Variants in SPRYD4 observed in about 807,000 individuals in gnomAD.
SPRYD4 encodes SPRY domain containing 4.
In SPRYD4, 12 loss-of-function variants were observed where a neutral mutation model predicts 16.6. That is an observed-to-expected ratio of 0.72 (90% CI 0.46 to 1.17). The LOEUF (loss-of-function observed/expected upper bound fraction) is 1.17, where lower values mean the gene tolerates loss of function less well. Ranked by LOEUF, SPRYD4 falls within the 50% of genes most tolerant of loss-of-function variation. The pLI, the probability that SPRYD4 is intolerant of heterozygous loss-of-function variation, is 0.00. For missense variants in SPRYD4, 260 were observed against 260.2 expected, an observed-to-expected ratio of 1.00 and a Z score of 0.00; for synonymous variants, 98 against 105.4, an observed-to-expected ratio of 0.93 and a Z score of 0.43.
At position 56,478,984 on chromosome 12, in the gene SPRYD4, A is replaced by AG; in HGVS notation, c.*9409dup. On this transcript the variant is annotated 3_prime_UTR_variant, in exon 2 of 2. Coordinates refer to ENST00000338146, the MANE Select transcript of SPRYD4 (RefSeq NM_207344.4). ...GGGTGACAGAGCAAAACTCTGTCTC[A>AG]GGAAAAAAAAAAAAAAAAAAAATCT... The AG allele has an allele frequency of 3.0e-6, 4 of 1,319,776 alleles. No individual in the cohort carries two copies. The highest frequency in any genetic ancestry group is 4.1e-6 in the Non-Finnish European group (4 of 980,452). The allele number at this position is 1,319,776 out of a possible 1,614,324, so 81.8% of individuals were successfully genotyped here.
At position 56,472,097 on chromosome 12, in the gene SPRYD4, C is replaced by T; in HGVS notation, c.*2520C>T. 6.2e-7 allele frequency: 1 copy of T among 1,611,724 alleles called. No individual in the cohort carries two copies. Among genetic ancestry groups the T allele is most frequent in the Non-Finnish European group, 8.5e-7 (1 of 1,178,140 alleles). On this transcript the variant is annotated 3_prime_UTR_variant, in exon 2 of 2. Transcript: ENST00000338146. The stretch of plus-strand genomic sequence containing the variant: ...AGGGTCTTATGATTACCCTCCTCCT[C>T]CCCTCCTTAACCCTTCAGTACCTTC...
chr12:56,475,082 G>T lies in SPRYD4; in HGVS notation c.*5505G>T. On this transcript the variant is annotated 3_prime_UTR_variant, in exon 2 of 2. Transcript: ENST00000338146. ...AGATAATAGCCGATGGCATAATTCC[G>T]ATCCCCTGTTTCCTTCTCTGACTGG... is the stretch of plus-strand genomic sequence containing the variant. 6.2e-7 allele frequency: 1 copy of T among 1,614,004 alleles called. No homozygotes were observed. Among genetic ancestry groups the T allele is most frequent in the Non-Finnish European group, 8.5e-7 (1 of 1,180,016 alleles).
intron 1 of SPRYD4, 167 bp downstream of exon 1, chr12:56,468,843 G>C (rs1869107372): frequency 9.7e-7 from 1 of 1,026,696 alleles, no homozygotes; most frequent in African/African-American, 1.6e-5. Context: ...TTAAATTCCG[G>C]GACTTACTCA....
rs374417630 is a variant in SPRYD4 at position 56,472,765 on chromosome 12, C to T, written c.*3188C>T. On this transcript the variant is annotated 3_prime_UTR_variant, in exon 2 of 2. Transcript: ENST00000338146. ...CACAGTCTTGTTCTGGAACACAAATCATACCCACATGACATTAATTGAACT... is the reference window on the plus strand; with the variant it reads ...CACAGTCTTGTTCTGGAACACAAATTATACCCACATGACATTAATTGAACT... 31 of 1,612,542 alleles carry T rather than the reference C, an allele frequency of 1.9e-5. No homozygotes were observed. Among genetic ancestry groups the T allele is most frequent in the Non-Finnish European group, 2.5e-5 (29 of 1,179,026 alleles).
In SPRYD4 at chr12:56,478,960, G is replaced by T; in HGVS notation, c.*9383G>T. The T allele has an allele frequency of 6.7e-7, 1 of 1,485,412 alleles. No individual in the cohort carries two copies. Among genetic ancestry groups the T allele is most frequent in the Non-Finnish European group, 9.0e-7 (1 of 1,110,712 alleles). 92.0% of individuals were successfully genotyped at this position (1,485,412 alleles called of 1,614,324 possible). A position where few individuals can be genotyped will look rare whatever the true frequency, so the allele number is the denominator to read the frequency against. Reference sequence around the variant, plus strand: ...GATTGCACCATTGCACTCCAGCCCGGGTGACAGAGCAAAACTCTGTCTCAG... The same window carrying T: ...GATTGCACCATTGCACTCCAGCCCGTGTGACAGAGCAAAACTCTGTCTCAG... On this transcript the variant is annotated 3_prime_UTR_variant, in exon 2 of 2. Coordinates refer to ENST00000338146, the MANE Select transcript of SPRYD4 (RefSeq NM_207344.4).
At position 56,478,346 on chromosome 12, in the gene SPRYD4, G is replaced by GCTTTT; in HGVS notation, c.*8769_*8770insCTTTT. 7.0e-7 allele frequency: 1 copy of GCTTTT among 1,434,476 alleles called. No individual in the cohort carries two copies. Among genetic ancestry groups the GCTTTT allele is most frequent in the Non-Finnish European group, 9.7e-7 (1 of 1,029,100 alleles). 88.9% of individuals were successfully genotyped at this position (1,434,476 alleles called of 1,614,324 possible). A position where few individuals can be genotyped will look rare whatever the true frequency, so the allele number is the denominator to read the frequency against. ...GGTTGAGGGTCAAGAGAATCTTTTA[G>GCTTTT]ATAAAAGCTAAAATTCTGTCTTCTA... On this transcript the variant is annotated 3_prime_UTR_variant, in exon 2 of 2. Coordinates refer to ENST00000338146, the MANE Select transcript of SPRYD4 (RefSeq NM_207344.4).
Position 56,478,426 on chromosome 12 carries a change from G to T in SPRYD4, c.*8849G>T. On this transcript the variant is annotated 3_prime_UTR_variant, in exon 2 of 2. Transcript: ENST00000338146. ...GCTCCCAGAAATGCCCGAGCCTTAA[G>T]TCCTAGAAGGCCATATCTTTGTGTA... The T allele has an allele frequency of 1.5e-6, 1 of 655,880 alleles. No homozygotes were observed. The highest frequency in any genetic ancestry group is 2.7e-6 in the Non-Finnish European group (1 of 376,386). 40.6% of individuals were successfully genotyped at this position (655,880 alleles called of 1,614,324 possible).
rs1400090939 is a variant in SPRYD4, at chr12:56,470,284, A to AAG, written c.*713_*714dup. 1.3e-5 allele frequency: 2 copies of AAG among 151,938 alleles called. No homozygotes were observed. The highest frequency in any genetic ancestry group is 2.4e-5 in the African/African-American group (1 of 41,386). The allele number at this position is 151,938 out of a possible 1,614,324, so 9.4% of individuals were successfully genotyped here. A position where few individuals can be genotyped will look rare whatever the true frequency, so the allele number is the denominator to read the frequency against. On this transcript the variant is annotated 3_prime_UTR_variant, in exon 2 of 2. Coordinates refer to ENST00000338146, the MANE Select transcript of SPRYD4 (RefSeq NM_207344.4). ...CCAGTTATAACCTTGACCAAAGGGGAAGAGAGACACTTGGGGGATATCTAG... is the reference window on the plus strand; with the variant it reads ...CCAGTTATAACCTTGACCAAAGGGGAAGAGAGAGACACTTGGGGGATATCTAG...
At position 56,479,578 on chromosome 12, in the gene SPRYD4, A is replaced by G. The variant is rs922393008; in HGVS notation, c.*10001A>G. On this transcript the variant is annotated 3_prime_UTR_variant, in exon 2 of 2. Transcript: ENST00000338146. ...TTACTTCTGGGAAAAGAGGACAGGG[A>G]TTGAGTAGGGAGGGAAAGGAGAACA... 1.0e-5 allele frequency: 6 copies of G among 572,912 alleles called. No homozygotes were observed. Among genetic ancestry groups the G allele is most frequent in the Non-Finnish European group, 1.6e-5 (6 of 368,230 alleles). 35.5% of individuals were successfully genotyped at this position (572,912 alleles called of 1,614,324 possible). A position where few individuals can be genotyped will look rare whatever the true frequency, so the allele number is the denominator to read the frequency against.
rs1869943066 is a variant in SPRYD4 at position 56,477,699 on chromosome 12, CAT to C, written c.*8123_*8124del. ...TGACAACAATGGCACCAGCATTGAC[CAT>C]GGGGTTATGGGGGATTCCTGGGGAA... On this transcript the variant is annotated 3_prime_UTR_variant, in exon 2 of 2. Transcript: ENST00000338146. 6.2e-7 allele frequency: 1 copy of C among 1,613,362 alleles called. No homozygotes were observed. The highest frequency in any genetic ancestry group is 1.3e-5 in the African/African-American group (1 of 74,854).
Position 56,471,651 on chromosome 12 carries a change from G to C in SPRYD4, c.*2074G>C, listed in dbSNP as rs374725527. ...AGGGGAATGTTGCCCCACCTGAGAG[G>C]AATAATGATATGATCAGGCAAAGGA... On this transcript the variant is annotated 3_prime_UTR_variant, in exon 2 of 2. Coordinates refer to ENST00000338146, the MANE Select transcript of SPRYD4 (RefSeq NM_207344.4). 6.2e-7 allele frequency: 1 copy of C among 1,613,910 alleles called. No homozygotes were observed. Among genetic ancestry groups the C allele is most frequent in the Non-Finnish European group, 8.5e-7 (1 of 1,179,882 alleles).
chr12:56,468,710 G>T, intron 1 of SPRYD4, 34 bp downstream of exon 1: 1 of 1,595,896 alleles, frequency 6.3e-7, no homozygotes, highest in Non-Finnish European at 8.6e-7. Context: ...TTTACCTCCA[G>T]AATGGCTGCC....
chr12:56,472,519 G>GTT lies in SPRYD4; in HGVS notation c.*2944_*2945dup. 1.6e-6 allele frequency: 1 copy of GTT among 635,536 alleles called. No individual in the cohort carries two copies. The highest frequency in any genetic ancestry group is 2.0e-5 in the South Asian group (1 of 50,058). 39.4% of individuals were successfully genotyped at this position (635,536 alleles called of 1,614,324 possible). A position where few individuals can be genotyped will look rare whatever the true frequency, so the allele number is the denominator to read the frequency against. ...AACATTAATTATCATAGAGCAGACA[G>GTT]TTTACTTTTTTTAAAAAAAATCTCC... On this transcript the variant is annotated 3_prime_UTR_variant, in exon 2 of 2. Coordinates refer to ENST00000338146, the MANE Select transcript of SPRYD4 (RefSeq NM_207344.4).
chr12:56,475,623 C>CGTGGCATTGCTGAAACCCAT lies in SPRYD4; in HGVS notation c.*6049_*6068dup. 1 of 1,614,060 alleles carries CGTGGCATTGCTGAAACCCAT rather than the reference C, an allele frequency of 6.2e-7. No homozygotes were observed. The highest frequency in any genetic ancestry group is 8.5e-7 in the Non-Finnish European group (1 of 1,179,958). Reference sequence around the variant, plus strand: ...AGTCAGTCCTCTGAGTAGGGACTTACGTGGCATTGCTGAAACCCATGTATT... The same window carrying CGTGGCATTGCTGAAACCCAT: ...AGTCAGTCCTCTGAGTAGGGACTTACGTGGCATTGCTGAAACCCATGTGGCATTGCTGAAACCCATGTATT... On this transcript the variant is annotated 3_prime_UTR_variant, in exon 2 of 2. Coordinates refer to ENST00000338146, the MANE Select transcript of SPRYD4 (RefSeq NM_207344.4).
chr12:56,475,929 T>A lies in SPRYD4; in HGVS notation c.*6352T>A. On this transcript the variant is annotated 3_prime_UTR_variant, in exon 2 of 2. Transcript: ENST00000338146. ...TGGCGAAATGCAGCCAGGGGCTAAGTAGCAAGGGAACTTACAAAATCAAAC... is the reference window on the plus strand; with the variant it reads ...TGGCGAAATGCAGCCAGGGGCTAAGAAGCAAGGGAACTTACAAAATCAAAC... 6 of 1,613,748 alleles carry A rather than the reference T, an allele frequency of 3.7e-6. No homozygotes were observed. Among genetic ancestry groups the A allele is most frequent in the Non-Finnish European group, 4.2e-6 (5 of 1,179,852 alleles).
chr12:56,473,635 C>T lies in SPRYD4; in HGVS notation c.*4058C>T, dbSNP rs1466836631. The T allele has an allele frequency of 8.3e-6, 13 of 1,573,844 alleles. No homozygotes were observed. The Admixed American group carries it at 2.2e-4, about 26-fold the overall frequency. On this transcript the variant is annotated 3_prime_UTR_variant, in exon 2 of 2. Coordinates refer to ENST00000338146, the MANE Select transcript of SPRYD4 (RefSeq NM_207344.4). ...GAAGCTGAGGATAAAGTGGGTGTGCCCCAAATCAGAAAATAAACAAGTTAG... is the reference window on the plus strand; with the variant it reads ...GAAGCTGAGGATAAAGTGGGTGTGCTCCAAATCAGAAAATAAACAAGTTAG...
Position 56,477,749 on chromosome 12 carries a change from GC to G in SPRYD4, c.*8174del. ...GAAATACAAACCACCAAGAGTCTTA[GC>G]CACTGAACAAAGCCTCCCTGACAGC... On this transcript the variant is annotated 3_prime_UTR_variant, in exon 2 of 2. Coordinates refer to ENST00000338146, the MANE Select transcript of SPRYD4 (RefSeq NM_207344.4). The G allele has an allele frequency of 6.3e-7, 1 of 1,599,642 alleles. No homozygotes were observed. The highest frequency in any genetic ancestry group is 8.5e-7 in the Non-Finnish European group (1 of 1,172,070).
In SPRYD4 at chr12:56,473,706, A is replaced by G. The variant is rs2136180394; in HGVS notation, c.*4129A>G. On this transcript the variant is annotated 3_prime_UTR_variant, in exon 2 of 2. Coordinates refer to ENST00000338146, the MANE Select transcript of SPRYD4 (RefSeq NM_207344.4). Reference sequence around the variant, plus strand: ...ACAAATGACTGCATGACCACAATCCACCTCAACCTTTTGGCTTGTTAATTA... The same window carrying G: ...ACAAATGACTGCATGACCACAATCCGCCTCAACCTTTTGGCTTGTTAATTA... The G allele has an allele frequency of 1.2e-5, 16 of 1,335,342 alleles. No individual in the cohort carries two copies. In the South Asian group the frequency reaches 2.8e-4, roughly 23 times the overall value. The allele number at this position is 1,335,342 out of a possible 1,614,324, so 82.7% of individuals were successfully genotyped here.
rs1038588032 is a variant in SPRYD4, at chr12:56,473,842, G to C, written c.*4265G>C. On this transcript the variant is annotated 3_prime_UTR_variant, in exon 2 of 2. Coordinates refer to ENST00000338146, the MANE Select transcript of SPRYD4 (RefSeq NM_207344.4). ...GTGCTAGATGCTGTGCTAGAACTAG[G>C]AACTTCCATTCTGGTGTTAGGAGAT... 7.1e-6 allele frequency: 3 copies of C among 420,070 alleles called. No homozygotes were observed. The highest frequency in any genetic ancestry group is 1.3e-5 in the Non-Finnish European group (3 of 239,680). 26.0% of individuals were successfully genotyped at this position (420,070 alleles called of 1,614,324 possible).
Sources: gnomAD v4.1 joint callset for allele counts on GRCh38, gnomAD v4.1.1 for gene constraint, MANE v1.5 for transcripts, NCBI Gene and HGNC (gene_info 2026-07-23, HGNC 2026-07-21) for gene names.